The following TMEM14A variants were observed in gnomAD, a reference collection of about 807,000 sequenced individuals.
The protein encoded by TMEM14A is transmembrane protein 14A.
TMEM14A carries 8 observed loss-of-function variants against 11.6 expected under a neutral mutation model. The observed-to-expected ratio is 0.69, with a 90% CI of 0.40 to 1.24. The LOEUF is 1.24. Among genes scored for constraint, TMEM14A ranks in the 50% most tolerant of loss-of-function variants. The pLI, the probability that TMEM14A is intolerant of heterozygous loss-of-function variation, is 0.01. For missense variants in TMEM14A, 108 were observed against 121.9 expected (o/e 0.89, Z 0.54); for synonymous variants, 34 against 45.5 (o/e 0.75, Z 1.02).
At chr6:52,675,683 G>A (rs1483329065) in intron 1 of TMEM14A, among the ~76,000 whole-genome samples, 3 of 152,246 alleles carry the variant, frequency 2.0e-5, no homozygotes, top group Non-Finnish European at 4.4e-5. Flanking sequence ...CATTGATTAA[G>A]TGTGGATGTC....
intron 1 of TMEM14A, among the ~76,000 whole-genome samples, chr6:52,675,021 C>G (rs993717600): frequency 6.6e-6 from 1 of 151,676 alleles, no homozygotes; most frequent in Non-Finnish European, 1.5e-5. Context: ...GGATTACAGA[C>G]ATGCACCACC....
intron 2 of TMEM14A, among the ~76,000 whole-genome samples, chr6:52,680,693 A>G (rs376293631): frequency 0.01 from 315 of 30,890 alleles, 3 homozygotes; most frequent in South Asian, 0.022. Context: ...ACATATATGT[A>G]TATATATATA....
chr6:52,686,212 G>A lies in TMEM14A; in HGVS notation c.*163G>A, dbSNP rs11543265. 35,244 of 551,194 alleles carry A rather than the reference G, an allele frequency of 0.064. 1,471 individuals are homozygous for A. Among genetic ancestry groups the A allele is most frequent in the South Asian group, 0.17 (3,487 of 21,036 alleles). 34.1% of individuals were successfully genotyped at this position (551,194 alleles called of 1,614,324 possible). On this transcript the variant is annotated 3_prime_UTR_variant, in exon 5 of 5. Coordinates refer to ENST00000211314, the MANE Select transcript of TMEM14A (RefSeq NM_014051.4). ...TAGTTTGAGGTAGTTTTTTTCTAAAGCAAAAATTTTAACTGTTTTCTAATT... is the reference window on the plus strand; with the variant it reads ...TAGTTTGAGGTAGTTTTTTTCTAAAACAAAAATTTTAACTGTTTTCTAATT...
At position 52,686,530 on chromosome 6, in the gene TMEM14A, C is replaced by A; in HGVS notation, c.*481C>A. On this transcript the variant is annotated 3_prime_UTR_variant, in exon 5 of 5. Transcript: ENST00000211314. ...TCTTTAAAAAATTTTATTCTTAGCA[C>A]ACTGTTATGTCCTAACTGAATGTAT... The A allele has an allele frequency of 2.6e-6, 1 of 380,654 alleles. No individual in the cohort carries two copies. The highest frequency in any genetic ancestry group is 4.5e-5 in the Admixed American group (1 of 22,072). 23.6% of individuals were successfully genotyped at this position (380,654 alleles called of 1,614,324 possible).
chr6:52,683,013 T>A (rs1176359686), intron 3 of TMEM14A, among the ~76,000 whole-genome samples: 2 of 152,220 alleles, frequency 1.3e-5, no homozygotes, highest in Non-Finnish European at 2.9e-5. Context: ...TTGTAAAAGA[T>A]ACATTAACTA....
intron 4 of TMEM14A, 36 bp from the exon 5 acceptor site, chr6:52,685,974 G>T: frequency 6.2e-7 from 1 of 1,605,006 alleles, no homozygotes; most frequent in South Asian, 1.1e-5. Flanking sequence ...AGATAAAAGT[G>T]ACTCTCCCTT....
intron 2 of TMEM14A, among the ~76,000 whole-genome samples, chr6:52,680,441 A>G (rs2127263991): frequency 6.6e-6 from 1 of 151,306 alleles, no homozygotes; most frequent in East Asian, 2.0e-4. Flanking sequence ...TTTGGGAAGC[A>G]CTAAGGTTTT....
intron 2 of TMEM14A, among the ~76,000 whole-genome samples, chr6:52,680,577 C>CGATATATATA (rs1769344720): frequency 1.6e-5 from 1 of 60,816 alleles, no homozygotes; most frequent in Non-Finnish European, 4.2e-5. Flanking sequence ...TTCTAAGCCA[C>CGATATATATA]TATATATTTA....
chr6:52,674,495 A>G (rs1397556962), intron 1 of TMEM14A, among the ~76,000 whole-genome samples: 1 of 152,208 alleles, frequency 6.6e-6, no homozygotes. Flanking sequence ...CTGGAAAATG[A>G]GGATAATCAT....
At chr6:52,679,550 C>G (rs1769326483) in intron 2 of TMEM14A, among the ~76,000 whole-genome samples, 5 of 152,184 alleles carry the variant, frequency 3.3e-5, no homozygotes, top group Admixed American at 3.3e-4. Flanking sequence ...TAAAACTCCT[C>G]TTCCAAGACT....
chr6:52,681,938 T>A, intron 3 of TMEM14A, 24 bp downstream of exon 3: 1 of 1,591,546 alleles, frequency 6.3e-7, no homozygotes, highest in Non-Finnish European at 8.6e-7. Flanking sequence ...TTTTCCTGGT[T>A]ACAGAGACTC....
chr6:52,680,139 A>G (rs1769336067), intron 2 of TMEM14A, among the ~76,000 whole-genome samples: 1 of 151,980 alleles, frequency 6.6e-6, no homozygotes, highest in African/African-American at 2.4e-5. Flanking sequence ...CTCACAAGTG[A>G]GTAAGGGCAG....
chr6:52,680,933 T>C (rs1313076937), intron 2 of TMEM14A, among the ~76,000 whole-genome samples: 2 of 150,122 alleles, frequency 1.3e-5, no homozygotes, highest in Admixed American at 1.3e-4. Flanking sequence ...TGTGTGTGTG[T>C]ATTGTGTGTG....
At chr6:52,685,960 T>C (rs763985044) in intron 4 of TMEM14A, 50 bp from the exon 5 acceptor site, 5 of 1,590,634 alleles carry the variant, frequency 3.1e-6, no homozygotes, top group Non-Finnish European at 4.3e-6. Context: ...TTCTGTCTTA[T>C]GCCAGATAAA....
intron 1 of TMEM14A, among the ~76,000 whole-genome samples, chr6:52,674,230 A>G (rs951686884): frequency 3.3e-5 from 5 of 152,218 alleles, no homozygotes; most frequent in African/African-American, 9.6e-5. Flanking sequence ...GGGGCTGAAC[A>G]TTGTAAGTTA....
At chr6:52,672,308 G>T (rs2127260904) in intron 1 of TMEM14A, among the ~76,000 whole-genome samples, 1 of 140,198 alleles carries the variant, frequency 7.1e-6, no homozygotes, top group African/African-American at 2.5e-5. Context: ...AAAGGGTATG[G>T]GTCCTCAAGA....
At chr6:52,680,658 TATATATATGTGTATATATATATATAC>T (rs1769357504) in intron 2 of TMEM14A, among the ~76,000 whole-genome samples, 1 of 52,624 alleles carries the variant, frequency 1.9e-5, no homozygotes, top group Non-Finnish European at 3.8e-5. Context: ...TATGTGTGTG[TATATATATGTGTATATATATATATAC>T]ATATATGTAT....
At chr6:52,683,569 C>A (rs1159373203) in intron 3 of TMEM14A, among the ~76,000 whole-genome samples, 2 of 151,884 alleles carry the variant, frequency 1.3e-5, no homozygotes, top group East Asian at 3.9e-4. Context: ...TACCCAGAAA[C>A]CTTTTCGGCG....
chr6:52,686,080 G>T lies in TMEM14A; in HGVS notation c.*31G>T, dbSNP rs1232359971. 6.2e-7 allele frequency: 1 copy of T among 1,602,430 alleles called. No homozygotes were observed. Among genetic ancestry groups the T allele is most frequent in the Non-Finnish European group, 8.5e-7 (1 of 1,173,974 alleles). ...TGGAGGAACAGAAAACTAAGTTCAT[G>T]TCATCCTGCTGTAATGGGCAGAGCA... On this transcript the variant is annotated 3_prime_UTR_variant, in exon 5 of 5. Coordinates refer to ENST00000211314, the MANE Select transcript of TMEM14A (RefSeq NM_014051.4).
Sources: allele counts gnomAD v4.1 joint callset (sites outside exome capture counted in the v4.1 genomes callset), GRCh38; gene constraint gnomAD v4.1.1; transcripts MANE v1.5; gene names NCBI Gene and HGNC (gene_info 2026-07-23, HGNC 2026-07-21).